TOGARAM1: variants seen among roughly 807,000 people sequenced by gnomAD.
The protein encoded by TOGARAM1 is TOG array regulator of axonemal microtubules 1, also known as TOG array regulator of axonemal microtubules protein 1.
A neutral mutation model predicts 166.6 loss-of-function variants in TOGARAM1; 100 were observed. The observed-to-expected ratio is 0.60, with a 90% CI of 0.51 to 0.71. The LOEUF is 0.71. Among genes scored for constraint, TOGARAM1 ranks in the 30% least tolerant of loss-of-function variants. The probability of loss-of-function intolerance (pLI) is 0.00; values close to 1 mark genes in which losing one functional copy is unlikely to be tolerated. For synonymous variants in TOGARAM1, 758 were observed against 763.8 expected (o/e 0.99, Z 0.13); for missense variants, 2,029 against 2,102.7 (o/e 0.96, Z 0.69).
intron 15 of TOGARAM1, among the ~76,000 whole-genome samples, chr14:45,053,563 A>G (rs563825004): frequency 6.6e-6 from 1 of 152,284 alleles, no homozygotes; most frequent in Non-Finnish European, 1.5e-5. Flanking sequence ...GAATAATATT[A>G]CAAAAATAAT....
rs1360514970 is a variant in TOGARAM1 at position 45,073,466 on chromosome 14, G to C, written c.5227G>C (p.Gly1743Arg). Residue 1743 changes from glycine (G) to arginine (R), a missense_variant, in exon 20 of 20, where the codon GGT (glycine) becomes CGT (arginine). This residue lies in a region of TOGARAM1 where 576 missense variants were observed against 670.5 expected (regional missense o/e 0.86). Coordinates refer to ENST00000361462, the MANE Select transcript of TOGARAM1 (RefSeq NM_001308120.2). ...ATCAAAAGCACTCTTTGCACAGATG[G>C]GTCAGAATCTGTTAAATCAGGCTGC... ...KLSKALFAQM[G>R]QNLLNQAASQ... 3 of 1,614,024 alleles carry C rather than the reference G, an allele frequency of 1.9e-6. 1 individual carries two copies. Among genetic ancestry groups the C allele is most frequent in the East Asian group, 2.2e-5 (1 of 44,872 alleles).
At chr14:45,030,781 C>T (rs1043567997) in intron 10 of TOGARAM1, among the ~76,000 whole-genome samples, 5 of 151,968 alleles carry the variant, frequency 3.3e-5, no homozygotes, top group African/African-American at 1.2e-4. Context: ...TGTCTTATAC[C>T]TCTTTATATA....
intron 14 of TOGARAM1, among the ~76,000 whole-genome samples, chr14:45,051,275 A>G (rs1270115357): frequency 6.6e-6 from 1 of 152,210 alleles, no homozygotes; most frequent in Non-Finnish European, 1.5e-5. Context: ...AACCCTGGTA[A>G]GTTTTGGCTA....
chr14:45,066,507 A>T, intron 16 of TOGARAM1, 71 bp from the exon 17 acceptor site: 2 of 1,359,528 alleles, frequency 1.5e-6, no homozygotes, highest in Non-Finnish European at 9.9e-7. Context: ...TGAGATTTTT[A>T]AATTATGTTT....
Position 44,963,455 on chromosome 14 carries a change from A to G in TOGARAM1, c.1034A>G (p.Asn345Ser), listed in dbSNP as rs374501917. ...LPCAVTLSNSNLKFGIIPQEL... is the reference protein window; with the variant it reads ...LPCAVTLSNSSLKFGIIPQEL... ...TGTGCAGTGACTCTTTCCAACAGCA[A>G]TCTTAAATTTGGGATTATTCCTCAG... is the stretch of plus-strand genomic sequence containing the variant. Residue 345 changes from asparagine to serine, a missense_variant, in exon 1 of 20, where the codon AAT (asparagine) becomes AGT (serine). Asn to Ser is a conservative substitution (Grantham distance 46). This residue lies in a region of TOGARAM1 where 1,453 missense variants were observed against 1,432.2 expected (regional missense o/e 1.01). Transcript: ENST00000361462. 4.8e-5 allele frequency: 78 copies of G among 1,614,068 alleles called. No homozygotes were observed. The highest frequency in any genetic ancestry group is 6.7e-5 in the African/African-American group (5 of 74,974).
At chr14:45,019,449 A>AG (rs1402935307) in intron 7 of TOGARAM1, among the ~76,000 whole-genome samples, 7 of 152,122 alleles carry the variant, frequency 4.6e-5, no homozygotes, top group South Asian at 2.1e-4. Context: ...GAAAAAAAAA[A>AG]CAAAAACCTT....
Position 45,004,287 on chromosome 14 carries a change from C to T in TOGARAM1, c.2565C>T (p.Ser855=). Reference sequence around the variant, plus strand: ...TCTCAAATTCCTGGCCTCTTAAAAGCTTCGAAGGACTATCAAAGCCAAGTC... The same window carrying T: ...TCTCAAATTCCTGGCCTCTTAAAAGTTTCGAAGGACTATCAAAGCCAAGTC... ...VNFSNSWPLK[S]FEGLSKPSPQ... Residue 855 remains serine (S), a synonymous_variant, in exon 4 of 20, where the codon AGC becomes AGT. Coordinates refer to ENST00000361462, the MANE Select transcript of TOGARAM1 (RefSeq NM_001308120.2). 1 of 1,614,088 alleles carries T rather than the reference C, an allele frequency of 6.2e-7. No homozygotes were observed. Among genetic ancestry groups the T allele is most frequent in the Admixed American group, 1.7e-5 (1 of 60,022 alleles).
chr14:45,054,746 G>A (rs189558035), intron 16 of TOGARAM1, among the ~76,000 whole-genome samples, 197 bp downstream of exon 16: 1 of 152,286 alleles, frequency 6.6e-6, no homozygotes, highest in Admixed American at 6.5e-5. Flanking sequence ...GCTTTTATTT[G>A]CACTGGACAT....
At chr14:45,018,323 TC>T (rs1198076003) in intron 7 of TOGARAM1, among the ~76,000 whole-genome samples, 8 of 152,230 alleles carry the variant, frequency 5.3e-5, no homozygotes, top group African/African-American at 1.9e-4. Context: ...CACTGCAACC[TC>T]CACCTCATGG....
intron 7 of TOGARAM1, among the ~76,000 whole-genome samples, chr14:45,014,988 T>G (rs532052749): frequency 6.6e-6 from 1 of 152,244 alleles, no homozygotes; most frequent in South Asian, 2.1e-4. Flanking sequence ...CCTGTTTTTA[T>G]TCAAATACAA....
chr14:45,035,351 T>G (rs191329335), intron 11 of TOGARAM1, among the ~76,000 whole-genome samples: 3 of 150,802 alleles, frequency 2.0e-5, no homozygotes, highest in Non-Finnish European at 4.4e-5. Context: ...AGGGTGAGAC[T>G]CTGTCTCAAG....
chr14:45,046,160 G>A (rs751423637), intron 13 of TOGARAM1, among the ~76,000 whole-genome samples: 1 of 152,108 alleles, frequency 6.6e-6, no homozygotes, highest in Non-Finnish European at 1.5e-5. Flanking sequence ...TTAGCCTCAC[G>A]TGGTGGCTCA....
intron 11 of TOGARAM1, among the ~76,000 whole-genome samples, chr14:45,039,582 A>G (rs1382971387): frequency 1.3e-5 from 2 of 152,138 alleles, no homozygotes; most frequent in Non-Finnish European, 2.9e-5. Context: ...AGAGGGGACC[A>G]TGTCAGCACT....
At chr14:45,016,297 G>T (rs1459098831) in intron 7 of TOGARAM1, among the ~76,000 whole-genome samples, 2 of 152,208 alleles carry the variant, frequency 1.3e-5, no homozygotes, top group African/African-American at 4.8e-5. Context: ...TAGGGAGGCA[G>T]AAGTGGGAAG....
intron 11 of TOGARAM1, among the ~76,000 whole-genome samples, chr14:45,037,077 G>T (rs1045450417): frequency 6.6e-6 from 1 of 152,142 alleles, no homozygotes; most frequent in African/African-American, 2.4e-5. Context: ...CCTCCCTGTG[G>T]TTCCCTCCTG....
intron 3 of TOGARAM1, among the ~76,000 whole-genome samples, chr14:45,000,147 C>T (rs866101171): frequency 6.6e-6 from 1 of 152,014 alleles, no homozygotes; most frequent in South Asian, 2.1e-4. Flanking sequence ...TACAGGTACA[C>T]GCCACCACGC....
chr14:44,975,154 C>T (rs1886109427), intron 1 of TOGARAM1, among the ~76,000 whole-genome samples: 1 of 152,112 alleles, frequency 6.6e-6, no homozygotes, highest in Non-Finnish European at 1.5e-5. Flanking sequence ...TTTCCCCTTT[C>T]TGTGTATGTT....
chr14:44,964,216 G>T lies in TOGARAM1; in HGVS notation c.1795G>T (p.Gly599Cys). The change falls in exon 1 of 20, where the codon GGT (glycine) becomes TGT (cysteine). Residue 599 changes from glycine (G) to cysteine (C), a missense_variant. By Grantham distance (159) the Gly-to-Cys change is radical. Transcript: ENST00000361462. ...YAVLMPSSAG[G>C]RSNHLAHGAD... ...AGTACTGATGCCATCTTCTGCCGGG[G>T]GTAGGTCAAACCATTTGGCACATGG... is the stretch of plus-strand genomic sequence containing the variant. 1.9e-6 allele frequency: 3 copies of T among 1,614,162 alleles called. No individual in the cohort carries two copies. Among genetic ancestry groups the T allele is most frequent in the African/African-American group, 1.3e-5 (1 of 75,020 alleles).
intron 1 of TOGARAM1, among the ~76,000 whole-genome samples, chr14:44,991,371 C>T (rs1887127999): frequency 6.6e-6 from 1 of 152,054 alleles, no homozygotes; most frequent in Admixed American, 6.6e-5. Flanking sequence ...CATGTAGGTA[C>T]CATTTCCCTC....
Sources: allele counts gnomAD v4.1 joint callset (sites outside exome capture counted in the v4.1 genomes callset), GRCh38; gene constraint gnomAD v4.1.1; regional missense constraint gnomAD v4.1.1; transcripts MANE v1.5; gene names NCBI Gene and HGNC (gene_info 2026-07-23, HGNC 2026-07-21).